Variants in NRXN1 observed in about 807,000 individuals in gnomAD.
NRXN1 encodes neurexin-1.
A neutral mutation model predicts 150.9 loss-of-function variants in NRXN1; 39 were observed. That is an observed-to-expected ratio of 0.26 (90% confidence interval 0.20 to 0.34). The LOEUF (loss-of-function observed/expected upper bound fraction) is 0.34, where lower values mean the gene tolerates loss of function less well. Among genes scored for constraint, NRXN1 ranks in the 10% least tolerant of loss-of-function variants. NRXN1 has a pLI of 1.00. For missense variants in NRXN1, 1,815 were observed against 1,949.9 expected (o/e 0.93, Z 1.30); for synonymous variants, 924 against 757.0 (o/e 1.22, Z -3.62).
intron 8 of NRXN1, among the ~76,000 whole-genome samples, chr2:50,564,497 A>C (rs1395832246): frequency 6.6e-6 from 1 of 152,220 alleles, no homozygotes; most frequent in African/African-American, 2.4e-5. Flanking sequence ...TTATCTGCTA[A>C]ACAAATAGTA....
chr2:50,192,589 G>A (rs1400592430), intron 18 of NRXN1, among the ~76,000 whole-genome samples: 3 of 151,636 alleles, frequency 2.0e-5, no homozygotes, highest in East Asian at 1.9e-4. Context: ...CATACAAATC[G>A]GAAGAATATA....
At chr2:50,928,497 C>T (rs1687255055) in intron 2 of NRXN1, among the ~76,000 whole-genome samples, 1 of 152,050 alleles carries the variant, frequency 6.6e-6, no homozygotes, top group Admixed American at 6.6e-5. Flanking sequence ...GTAGCTCCAG[C>T]ATTTACAACC....
chr2:50,465,515 C>T lies in NRXN1; in HGVS notation c.3291G>A (p.Val1097=). 1 of 1,610,862 alleles carries T rather than the reference C, an allele frequency of 6.2e-7. No individual in the cohort carries two copies. The highest frequency in any genetic ancestry group is 1.1e-5 in the South Asian group (1 of 90,790). The part of the protein sequence containing the change: ...CQEDSCSNQG[V]CLQQWDGFSC... ...TGAAGCCATCCCATTGTTGCAAGCA[C>T]ACACCTTGATTGGAACATGAGTCCT... is the stretch of plus-strand genomic sequence containing the variant. The change falls in exon 17 of 23, where the codon GTG becomes GTA. Residue 1097 remains valine, a synonymous_variant. Coordinates refer to ENST00000401669, the MANE Select transcript of NRXN1 (RefSeq NM_001330078.2).
intron 5 of NRXN1, among the ~76,000 whole-genome samples, chr2:50,844,524 A>G (rs1673351380): frequency 1.3e-5 from 2 of 152,296 alleles, no homozygotes; most frequent in African/African-American, 4.8e-5. Flanking sequence ...TGTCTTATCA[A>G]TATTTCGTAT....
chr2:50,975,976 C>T (rs754876116), intron 2 of NRXN1, among the ~76,000 whole-genome samples: 52 of 151,976 alleles, frequency 3.4e-4, no homozygotes, highest in Non-Finnish European at 5.9e-4. Context: ...GACACTGTGG[C>T]ACAATTCTTT....
chr2:50,462,574 G>A (rs2088342742), intron 17 of NRXN1, among the ~76,000 whole-genome samples: 1 of 151,728 alleles, frequency 6.6e-6, no homozygotes, highest in Admixed American at 6.6e-5. Context: ...ACATTACCCT[G>A]TACACACACC....
chr2:50,347,310 G>T lies in NRXN1; in HGVS notation c.3365-110340C>A, dbSNP rs1462250709. The T allele has an allele frequency of 7.9e-6, 10 of 1,263,784 alleles. No homozygotes were observed. The highest frequency in any genetic ancestry group is 1.0e-5 in the Non-Finnish European group (10 of 978,390). The allele number at this position is 1,263,784 out of a possible 1,614,324, so 78.3% of individuals were successfully genotyped here. ...TTCGGGCGAGAGTGCGTGCCGGCGG[G>T]TGGGGGGCCGAGAAATTGTTTAAAG... On this transcript the variant is annotated intron_variant, in intron 17 of 22. Coordinates refer to ENST00000401669, the MANE Select transcript of NRXN1 (RefSeq NM_001330078.2). This position sits in a 1 kb window ranked among gnomAD's most constrained non-coding sequence, Gnocchi z 4.9.
intron 5 of NRXN1, among the ~76,000 whole-genome samples, chr2:50,694,495 T>C (rs1692534771): frequency 2.0e-5 from 3 of 152,200 alleles, no homozygotes; most frequent in Admixed American, 2.0e-4. Flanking sequence ...TCCATAACCT[T>C]CTATATTTGT....
intron 15 of NRXN1, among the ~76,000 whole-genome samples, chr2:50,473,256 A>AT (rs2089689973): frequency 6.6e-6 from 1 of 151,464 alleles, no homozygotes; most frequent in African/African-American, 2.4e-5. Context: ...TTTTCAACTT[A>AT]TTTTTCTAAT....
intron 5 of NRXN1, among the ~76,000 whole-genome samples, chr2:50,894,807 T>C (rs1345594620): frequency 6.6e-6 from 1 of 152,186 alleles, no homozygotes; most frequent in East Asian, 1.9e-4. Flanking sequence ...ATTTTTAAAT[T>C]AATTAGAAGA....
intron 17 of NRXN1, among the ~76,000 whole-genome samples, chr2:50,274,407 C>A (rs2070145937): frequency 6.6e-6 from 1 of 152,034 alleles, no homozygotes; most frequent in Non-Finnish European, 1.5e-5. Context: ...GGTTGGGGGG[C>A]TACGGGAGGG....
intron 17 of NRXN1, among the ~76,000 whole-genome samples, chr2:50,453,376 T>C (rs2087191236): frequency 6.6e-6 from 1 of 152,190 alleles, no homozygotes; most frequent in Non-Finnish European, 1.5e-5. Context: ...GAATGACTAA[T>C]CTAGTCAAAC....
At chr2:50,918,735 T>C in intron 5 of NRXN1, 1 of 325,672 alleles carries the variant, frequency 3.1e-6, no homozygotes. Flanking sequence ...AGAAAAGACA[T>C]ACTTCATTCA....
At chr2:50,585,072 C>G (rs987336383) in intron 8 of NRXN1, among the ~76,000 whole-genome samples, 14 of 152,012 alleles carry the variant, frequency 9.2e-5, no homozygotes, top group African/African-American at 1.5e-4. Flanking sequence ...ACCCTCTTCC[C>G]ACAGATCCTG....
At chr2:50,960,987 G>A (rs777364909) in intron 2 of NRXN1, among the ~76,000 whole-genome samples, 1 of 151,752 alleles carries the variant, frequency 6.6e-6, no homozygotes, top group African/African-American at 2.4e-5. Flanking sequence ...CACCATTTTC[G>A]GGTGAGTAGT....
chr2:50,717,485 CAGAAT>C (rs1346254280), intron 5 of NRXN1, among the ~76,000 whole-genome samples: 1 of 152,108 alleles, frequency 6.6e-6, no homozygotes, highest in Non-Finnish European at 1.5e-5. Context: ...TTTTCAGTAA[CAGAAT>C]AAACATTCTC....
At chr2:50,115,240 T>TATATATATATAC (rs1270800103) in intron 18 of NRXN1, among the ~76,000 whole-genome samples, 43 of 133,972 alleles carry the variant, frequency 3.2e-4, no homozygotes, top group African/African-American at 4.3e-4. Context: ...TATATATATA[T>TATATATATATAC]ACACACACAC....
At chr2:50,394,658 G>A (rs2081950799) in intron 17 of NRXN1, among the ~76,000 whole-genome samples, 2 of 151,810 alleles carry the variant, frequency 1.3e-5, no homozygotes, top group South Asian at 4.2e-4. Context: ...CCTCTTCTCT[G>A]CAATCTATTG....
intron 5 of NRXN1, among the ~76,000 whole-genome samples, chr2:50,757,039 T>C (rs1265218622): frequency 6.6e-6 from 1 of 151,876 alleles, no homozygotes; most frequent in Non-Finnish European, 1.5e-5. Context: ...TGTTTTTAAA[T>C]GTGATGGTTT....
Sources: allele counts gnomAD v4.1 joint callset (sites outside exome capture counted in the v4.1 genomes callset), GRCh38; gene constraint gnomAD v4.1.1; non-coding constraint Gnocchi (gnomAD v3.1); transcripts MANE v1.5; gene names NCBI Gene and HGNC (gene_info 2026-07-23, HGNC 2026-07-21).